SLC9A9: variants seen among roughly 807,000 people sequenced by gnomAD.
SLC9A9 encodes solute carrier family 9 member A9.
SLC9A9 carries 62 observed loss-of-function variants against 77.8 expected under a neutral mutation model. The ratio of observed to expected loss-of-function variants is 0.80; its 90% CI spans 0.65 to 0.98. The LOEUF is 0.98. Among genes scored for constraint, SLC9A9 ranks in the 50% least tolerant of loss-of-function variants. The pLI is 0.00. For synonymous variants in SLC9A9, 320 were observed against 283.5 expected (o/e 1.13, Z -1.29); for missense variants, 775 against 774.9 (o/e 1.00, Z 0.00).
intron 14 of SLC9A9, among the ~76,000 whole-genome samples, chr3:143,327,814 A>C (rs1178222492): frequency 6.6e-6 from 1 of 152,240 alleles, no homozygotes; most frequent in Non-Finnish European, 1.5e-5. Flanking sequence ...CAGATTTTCC[A>C]GGCTAAAGGA....
chr3:143,620,932 C>T (rs1449338165), intron 6 of SLC9A9, among the ~76,000 whole-genome samples: 1 of 152,216 alleles, frequency 6.6e-6, no homozygotes, highest in Non-Finnish European at 1.5e-5. Flanking sequence ...CTGCGCTTTT[C>T]CAATGGTCTT....
intron 6 of SLC9A9, among the ~76,000 whole-genome samples, chr3:143,640,069 T>G (rs866223946): frequency 4.3e-4 from 64 of 148,618 alleles, no homozygotes; most frequent in African/African-American, 1.5e-3. Flanking sequence ...TCACCCAGGC[T>G]GGAGTGCAGT....
intron 9 of SLC9A9, 124 bp from the exon 10 acceptor site, chr3:143,495,572 G>C: frequency 1.4e-6 from 1 of 725,536 alleles, no homozygotes; most frequent in Admixed American, 2.1e-5. Flanking sequence ...CCCTTTGGCC[G>C]TGTGCTTAGC....
chr3:143,344,370 G>A (rs2032197416), intron 14 of SLC9A9: 2 of 152,148 alleles, frequency 1.3e-5, no homozygotes, highest in Non-Finnish European at 2.9e-5. Flanking sequence ...AAGACTAAAA[G>A]AGAATAGGGC....
intron 12 of SLC9A9, among the ~76,000 whole-genome samples, chr3:143,393,022 A>G (rs561425896): frequency 1.3e-5 from 2 of 152,324 alleles, no homozygotes; most frequent in South Asian, 4.1e-4. Flanking sequence ...CACTGTCAAT[A>G]TTAGACAGAT....
At chr3:143,446,752 G>A (rs2034850228) in intron 12 of SLC9A9, among the ~76,000 whole-genome samples, 1 of 152,172 alleles carries the variant, frequency 6.6e-6, no homozygotes. Context: ...CTGCTGATGG[G>A]TAAAAGGTTC....
intron 12 of SLC9A9, among the ~76,000 whole-genome samples, chr3:143,449,646 T>A (rs762888207): frequency 0.076 from 817 of 10,784 alleles, 233 homozygotes; most frequent in East Asian, 0.49. Flanking sequence ...AATTATATAA[T>A]ATAATTATAT....
intron 4 of SLC9A9, among the ~76,000 whole-genome samples, chr3:143,740,588 C>T (rs1207659786): frequency 6.6e-6 from 1 of 152,140 alleles, no homozygotes; most frequent in African/African-American, 2.4e-5. Context: ...ATCTTCCATA[C>T]AATTAGTGAT....
chr3:143,827,932 T>C (rs1316080432), intron 2 of SLC9A9, among the ~76,000 whole-genome samples: 1 of 152,202 alleles, frequency 6.6e-6, no homozygotes, highest in Non-Finnish European at 1.5e-5. Context: ...CTGCACTCTT[T>C]CTAGCACTGG....
At chr3:143,560,745 C>T (rs1257350826) in intron 8 of SLC9A9, among the ~76,000 whole-genome samples, 1 of 141,852 alleles carries the variant, frequency 7.0e-6, no homozygotes, top group African/African-American at 2.6e-5. Flanking sequence ...AAAAAGGAAA[C>T]AAATACATCA....
chr3:143,275,650 TTTTCTA>T (rs1255454669), intron 14 of SLC9A9, among the ~76,000 whole-genome samples: 1 of 152,204 alleles, frequency 6.6e-6, no homozygotes, highest in Non-Finnish European at 1.5e-5. Context: ...TTAAATGACT[TTTTCTA>T]TTTCTAGAGT....
chr3:143,449,974 T>TAC (rs2034965416), intron 12 of SLC9A9, among the ~76,000 whole-genome samples: 1 of 83,576 alleles, frequency 1.2e-5, no homozygotes, highest in Admixed American at 2.1e-4. Flanking sequence ...ATATATAATA[T>TAC]ATATTATATG....
intron 2 of SLC9A9, among the ~76,000 whole-genome samples, chr3:143,823,475 C>T (rs1444872583): frequency 2.0e-5 from 3 of 152,106 alleles, no homozygotes; most frequent in Non-Finnish European, 4.4e-5. Flanking sequence ...CATGCACATA[C>T]TGGTGCCGCA....
chr3:143,554,142 G>T (rs758654177), intron 8 of SLC9A9, among the ~76,000 whole-genome samples: 1 of 152,208 alleles, frequency 6.6e-6, no homozygotes, highest in Non-Finnish European at 1.5e-5. Flanking sequence ...GTGTGTCTGT[G>T]TATGGATAGC....
At chr3:143,497,604 C>T (rs528348664) in intron 9 of SLC9A9, among the ~76,000 whole-genome samples, 48 of 152,206 alleles carry the variant, frequency 3.2e-4, no homozygotes, top group African/African-American at 1.1e-3. Flanking sequence ...AGGAAATGGC[C>T]GCCTGAAAGA....
At chr3:143,520,123 A>C (rs1350988142) in intron 9 of SLC9A9, among the ~76,000 whole-genome samples, 1 of 152,202 alleles carries the variant, frequency 6.6e-6, no homozygotes, top group East Asian at 1.9e-4. Flanking sequence ...TAGATAGAAA[A>C]CAGAAGTCAT....
chr3:143,430,906 C>A (rs1295850599), intron 12 of SLC9A9, among the ~76,000 whole-genome samples: 1 of 152,114 alleles, frequency 6.6e-6, no homozygotes, highest in Non-Finnish European at 1.5e-5. Context: ...CTTCCTTTTT[C>A]CTTCCCACAA....
intron 5 of SLC9A9, among the ~76,000 whole-genome samples, chr3:143,672,873 A>G (rs1019895509): frequency 6.6e-6 from 1 of 152,204 alleles, no homozygotes; most frequent in African/African-American, 2.4e-5. Flanking sequence ...TATGAAATGA[A>G]AAGCACTATG....
At chr3:143,507,364 C>T (rs1209443758) in intron 9 of SLC9A9, among the ~76,000 whole-genome samples, 1 of 152,118 alleles carries the variant, frequency 6.6e-6, no homozygotes. Flanking sequence ...CCCGCCACAG[C>T]GCCCGGCTAA....
Sources: allele counts gnomAD v4.1 joint callset (sites outside exome capture counted in the v4.1 genomes callset), GRCh38; gene constraint gnomAD v4.1.1; transcripts MANE v1.5; gene names NCBI Gene and HGNC (gene_info 2026-07-23, HGNC 2026-07-21).